ITFG1: variants seen among roughly 807,000 people sequenced by gnomAD.
ITFG1 encodes integrin alpha FG-GAP repeat containing 1, also known as T-cell immunomodulatory protein.
A neutral mutation model predicts 81.8 loss-of-function variants in ITFG1; 34 were observed. The ratio of observed to expected loss-of-function variants is 0.42; its 90% CI spans 0.32 to 0.55. The LOEUF is 0.55. Ranked by LOEUF, ITFG1 falls within the 20% of genes least tolerant of loss-of-function variation. ITFG1 has a pLI of 0.17. For synonymous variants in ITFG1, 285 were observed against 270.6 expected (o/e 1.05, Z -0.52); for missense variants, 672 against 755.4 (o/e 0.89, Z 1.29).
chr16:47,176,167 C>T (rs1218764367), intron 14 of ITFG1, among the ~76,000 whole-genome samples: 1 of 152,206 alleles, frequency 6.6e-6, no homozygotes, highest in Non-Finnish European at 1.5e-5. Flanking sequence ...CTGTGACCTA[C>T]ACTACTAAGC....
At chr16:47,388,364 G>T (rs1968488675) in intron 6 of ITFG1, among the ~76,000 whole-genome samples, 1 of 152,086 alleles carries the variant, frequency 6.6e-6, no homozygotes, top group South Asian at 2.1e-4. Flanking sequence ...ATGTGATGCA[G>T]AATAAATGCA....
At chr16:47,434,462 T>G (rs911742484) in intron 5 of ITFG1, among the ~76,000 whole-genome samples, 2 of 151,860 alleles carry the variant, frequency 1.3e-5, no homozygotes, top group South Asian at 4.1e-4. Flanking sequence ...TCAACATCAC[T>G]GATCATTAGA....
At chr16:47,345,376 C>G (rs1367763596) in intron 8 of ITFG1, among the ~76,000 whole-genome samples, 1 of 151,850 alleles carries the variant, frequency 6.6e-6, no homozygotes, top group Non-Finnish European at 1.5e-5. Flanking sequence ...TCTCGGCTCA[C>G]TGCAACCTCT....
intron 13 of ITFG1, among the ~76,000 whole-genome samples, chr16:47,234,168 A>G (rs1965846306): frequency 6.6e-6 from 1 of 152,228 alleles, no homozygotes; most frequent in African/African-American, 2.4e-5. Flanking sequence ...GTATCAAAAC[A>G]AGACTTATAT....
At chr16:47,317,899 TA>T (rs1167854366) in intron 8 of ITFG1, 4 of 152,244 alleles carry the variant, frequency 2.6e-5, no homozygotes, top group African/African-American at 9.7e-5. Context: ...ATCTTCTACA[TA>T]ATCTCATGTC....
intron 6 of ITFG1, among the ~76,000 whole-genome samples, chr16:47,424,512 C>T (rs1968994242): frequency 6.6e-6 from 1 of 152,194 alleles, no homozygotes; most frequent in Non-Finnish European, 1.5e-5. Context: ...AGAAGAGGTG[C>T]TCTGGTTTTT....
At chr16:47,175,493 C>A (rs992357026) in intron 14 of ITFG1, among the ~76,000 whole-genome samples, 1 of 152,046 alleles carries the variant, frequency 6.6e-6, no homozygotes, top group Non-Finnish European at 1.5e-5. Context: ...ATTTCAGCAG[C>A]CTAATTCCAA....
intron 14 of ITFG1, among the ~76,000 whole-genome samples, chr16:47,215,352 A>C (rs1455136701): frequency 1.3e-5 from 2 of 152,216 alleles, no homozygotes; most frequent in Non-Finnish European, 2.9e-5. Context: ...TCAGTCAATT[A>C]AATTAAGTGC....
intron 5 of ITFG1, among the ~76,000 whole-genome samples, chr16:47,444,747 C>G (rs747085091): frequency 6.6e-6 from 1 of 152,036 alleles, no homozygotes; most frequent in East Asian, 1.9e-4. Flanking sequence ...TTTGATGGTC[C>G]TAGAGAATAT....
At chr16:47,304,273 G>T (rs1426801834) in intron 10 of ITFG1, among the ~76,000 whole-genome samples, 1 of 152,214 alleles carries the variant, frequency 6.6e-6, no homozygotes, top group East Asian at 1.9e-4. Context: ...AAGCTTAAGA[G>T]GGAAAGGGAA....
At chr16:47,412,425 T>C (rs1968822638) in intron 6 of ITFG1, among the ~76,000 whole-genome samples, 1 of 151,798 alleles carries the variant, frequency 6.6e-6, no homozygotes, top group Non-Finnish European at 1.5e-5. Context: ...ACTTCTCAAG[T>C]CAAAAAATTC....
At chr16:47,262,807 A>C (rs1290252735) in intron 10 of ITFG1, 1 of 152,650 alleles carries the variant, frequency 6.6e-6, no homozygotes, top group African/African-American at 2.4e-5. Flanking sequence ...AGGGAGTCCC[A>C]CTGATGGGCT....
At chr16:47,251,992 T>C (rs1329025670) in intron 12 of ITFG1, among the ~76,000 whole-genome samples, 1 of 152,210 alleles carries the variant, frequency 6.6e-6, no homozygotes, top group African/African-American at 2.4e-5. Context: ...GCAATGTTTA[T>C]AAAATTCTGT....
chr16:47,269,663 T>C (rs1596850189), intron 10 of ITFG1, among the ~76,000 whole-genome samples: 2 of 152,176 alleles, frequency 1.3e-5, no homozygotes, highest in African/African-American at 2.4e-5. Flanking sequence ...ACTACATTCA[T>C]AGTCAGAGGA....
chr16:47,307,093 CAAAAAAAAAAAAAAA>C (rs371103697), intron 10 of ITFG1, among the ~76,000 whole-genome samples: 1 of 16,474 alleles, frequency 6.1e-5, no homozygotes, highest in Non-Finnish European at 9.3e-5. Flanking sequence ...AACTCCGTCT[CAAAAAAAAAAAAAAA>C]AAAAAAAAAA....
At chr16:47,285,193 TGA>T (rs1471237302) in intron 10 of ITFG1, among the ~76,000 whole-genome samples, 1 of 152,022 alleles carries the variant, frequency 6.6e-6, no homozygotes, top group Non-Finnish European at 1.5e-5. Flanking sequence ...GACACTCCCA[TGA>T]GAGAGTCCCA....
At chr16:47,211,513 T>C (rs1965560279) in intron 14 of ITFG1, among the ~76,000 whole-genome samples, 1 of 152,206 alleles carries the variant, frequency 6.6e-6, no homozygotes, top group African/African-American at 2.4e-5. Flanking sequence ...CTTGGTTGCC[T>C]TTTGTTTCCT....
intron 14 of ITFG1, among the ~76,000 whole-genome samples, chr16:47,180,467 C>G (rs1039466741): frequency 6.6e-6 from 1 of 151,796 alleles, no homozygotes; most frequent in African/African-American, 2.4e-5. Flanking sequence ...CATCTCGGCT[C>G]ACTGCAATCT....
At chr16:47,460,732 G>A in intron 1 of ITFG1, 106 bp downstream of exon 1, 1 of 1,226,786 alleles carries the variant, frequency 8.2e-7, no homozygotes, top group South Asian at 1.3e-5. Context: ...GGCTGGGAGA[G>A]AAGGACCAGG....
Sources: allele counts gnomAD v4.1 joint callset (sites outside exome capture counted in the v4.1 genomes callset), GRCh38; gene constraint gnomAD v4.1.1; transcripts MANE v1.5; gene names NCBI Gene and HGNC (gene_info 2026-07-23, HGNC 2026-07-21).